Variants in CACNA2D3 observed in about 807,000 individuals in gnomAD.
The protein encoded by CACNA2D3 is voltage-dependent calcium channel subunit alpha-2/delta-3.
A neutral mutation model predicts 160.6 loss-of-function variants in CACNA2D3; 60 were observed. The ratio of observed to expected loss-of-function variants is 0.37; its 90% CI spans 0.30 to 0.46. The LOEUF (loss-of-function observed/expected upper bound fraction) is 0.46. Among genes scored for constraint, CACNA2D3 ranks in the 20% least tolerant of loss-of-function variants. CACNA2D3 has a pLI of 1.00. For missense variants in CACNA2D3, 1,205 were observed against 1,365.0 expected (o/e 0.88, Z 1.85); for synonymous variants, 558 against 492.9 (o/e 1.13, Z -1.75).
intron 31 of CACNA2D3, among the ~76,000 whole-genome samples, chr3:54,993,922 T>G (rs6803353): frequency 3.3e-5 from 4 of 119,996 alleles, no homozygotes; most frequent in African/African-American, 9.5e-5. Context: ...GTGTGTGTGT[T>G]TTGTGTGTGT....
intron 2 of CACNA2D3, among the ~76,000 whole-genome samples, chr3:54,205,766 G>A (rs1325141019): frequency 6.6e-6 from 1 of 152,208 alleles, no homozygotes; most frequent in African/African-American, 2.4e-5. Flanking sequence ...CGGGGAGGAA[G>A]GCACAGAAAG....
chr3:54,916,621 C>G (rs1700666510), intron 27 of CACNA2D3, among the ~76,000 whole-genome samples: 2 of 152,182 alleles, frequency 1.3e-5, no homozygotes, highest in South Asian at 4.1e-4. Context: ...GGGGCCCACA[C>G]TAGCTATGAA....
At chr3:54,498,017 A>G (rs1701228986) in intron 4 of CACNA2D3, among the ~76,000 whole-genome samples, 1 of 150,650 alleles carries the variant, frequency 6.6e-6, no homozygotes, top group Non-Finnish European at 1.5e-5. Context: ...TTTTGTATCT[A>G]GGCTTATGAG....
chr3:54,489,503 G>A (rs1404117998), intron 4 of CACNA2D3, among the ~76,000 whole-genome samples: 1 of 152,218 alleles, frequency 6.6e-6, no homozygotes, highest in Non-Finnish European at 1.5e-5. Flanking sequence ...AATATTGTGT[G>A]CCAGGCACTG....
In CACNA2D3 at chr3:54,642,267, GC is replaced by G. The variant is rs536960312; in HGVS notation, c.1167+27del. ...GTAAGTTGATGCTGATCCCGTCTGT[GC>G]GGTGGACTCCTTGAGAATCTTTACT... On this transcript the variant is annotated intron_variant, in intron 11 of 37. Coordinates refer to ENST00000474759, the MANE Select transcript of CACNA2D3 (RefSeq NM_018398.3). 123 of 1,388,968 alleles carry G rather than the reference GC, an allele frequency of 8.9e-5. No homozygotes were observed. In the South Asian group the frequency reaches 1.3e-3, roughly 15 times the overall value. 86.0% of individuals were successfully genotyped at this position (1,388,968 alleles called of 1,614,324 possible).
At chr3:54,635,816 T>C (rs1699357031) in intron 10 of CACNA2D3, among the ~76,000 whole-genome samples, 1 of 151,874 alleles carries the variant, frequency 6.6e-6, no homozygotes, top group South Asian at 2.1e-4. Flanking sequence ...TAAAGACTCA[T>C]CTGTTATCAG....
chr3:54,759,020 C>G (rs1449353669), intron 12 of CACNA2D3, among the ~76,000 whole-genome samples: 1 of 152,184 alleles, frequency 6.6e-6, no homozygotes, highest in African/African-American at 2.4e-5. Flanking sequence ...GCAAAAGACT[C>G]TAAAAATCCC....
intron 31 of CACNA2D3, among the ~76,000 whole-genome samples, chr3:54,994,163 C>T (rs72879910): frequency 0.017 from 2,598 of 152,094 alleles, 68 homozygotes; most frequent in African/African-American, 0.059. Flanking sequence ...AGGTAGAATC[C>T]AAGATCTGTA....
intron 9 of CACNA2D3, among the ~76,000 whole-genome samples, chr3:54,588,418 A>T (rs1433497368): frequency 1.3e-5 from 2 of 152,222 alleles, no homozygotes; most frequent in African/African-American, 2.4e-5. Flanking sequence ...ACAGGTAAGG[A>T]TGTCCACACT....
At chr3:54,203,638 G>C (rs1289475068) in intron 2 of CACNA2D3, among the ~76,000 whole-genome samples, 2 of 152,198 alleles carry the variant, frequency 1.3e-5, no homozygotes, top group Non-Finnish European at 2.9e-5. Flanking sequence ...TTCCTCTGGA[G>C]TTGGGCCACT....
At chr3:54,450,555 C>G (rs559908186) in intron 4 of CACNA2D3, among the ~76,000 whole-genome samples, 5 of 152,118 alleles carry the variant, frequency 3.3e-5, no homozygotes, top group African/African-American at 1.2e-4. Flanking sequence ...CTCCCTGGTT[C>G]AGGGGAGGGG....
intron 4 of CACNA2D3, among the ~76,000 whole-genome samples, chr3:54,400,789 A>G (rs534046826): frequency 8.5e-5 from 13 of 152,340 alleles, no homozygotes; most frequent in African/African-American, 2.4e-4. Flanking sequence ...GGAAGAGGTG[A>G]TTGTTTCACC....
chr3:54,541,278 GAAAAAAAAAAAA>G (rs141900915), intron 5 of CACNA2D3, among the ~76,000 whole-genome samples: 2 of 81,736 alleles, frequency 2.4e-5, no homozygotes, highest in Admixed American at 1.7e-4. Context: ...CTCCGTCTCA[GAAAAAAAAAAAA>G]AAAAAAAAAA....
At position 54,866,078 on chromosome 3, in the gene CACNA2D3, A is replaced by G. The variant is rs117054536; in HGVS notation, c.1627-5461A>G. On this transcript the variant is annotated intron_variant, in intron 17 of 37. Transcript: ENST00000474759. ...CCTGATTCACTGGTAGTGAATTGGG[A>G]TCAAGAACATGAGGGTGGGAGCTCA... is the stretch of plus-strand genomic sequence containing the variant. Among the ~76,000 whole-genome samples the G allele has an allele frequency of 2.2e-4, 34 of 152,310 alleles. 1 individual carries two copies. The East Asian group carries it at 6.4e-3, about 29-fold the overall frequency.
At chr3:54,510,550 G>T (rs141487034) in intron 5 of CACNA2D3, among the ~76,000 whole-genome samples, 246 of 152,264 alleles carry the variant, frequency 1.6e-3, no homozygotes, top group African/African-American at 5.3e-3. Flanking sequence ...CTGAAGCACT[G>T]TTCCTGTCCC....
intron 29 of CACNA2D3, among the ~76,000 whole-genome samples, chr3:54,980,552 C>T (rs1559453903): frequency 1.3e-5 from 2 of 151,980 alleles, no homozygotes; most frequent in Non-Finnish European, 2.9e-5. Context: ...TTGGTGGTCT[C>T]AAATACATGT....
intron 4 of CACNA2D3, among the ~76,000 whole-genome samples, chr3:54,400,464 A>C (rs1218396932): frequency 6.6e-6 from 1 of 152,074 alleles, no homozygotes; most frequent in Non-Finnish European, 1.5e-5. Context: ...GCTGTGTCAG[A>C]CCTGACATCA....
At chr3:54,747,737 G>C (rs975345760) in intron 11 of CACNA2D3, among the ~76,000 whole-genome samples, 1 of 151,982 alleles carries the variant, frequency 6.6e-6, no homozygotes, top group Admixed American at 6.6e-5. Context: ...TTGTACCTTT[G>C]GTTCCCTTCA....
At chr3:54,956,732 A>G (rs1044391851) in intron 27 of CACNA2D3, among the ~76,000 whole-genome samples, 7 of 152,210 alleles carry the variant, frequency 4.6e-5, no homozygotes, top group African/African-American at 1.7e-4. Context: ...AGTCATCATT[A>G]CCTAGGGGAA....
Sources: allele counts gnomAD v4.1 joint callset (sites outside exome capture counted in the v4.1 genomes callset), GRCh38; gene constraint gnomAD v4.1.1; transcripts MANE v1.5; gene names NCBI Gene and HGNC (gene_info 2026-07-23, HGNC 2026-07-21).